HS3ST4: variants seen among roughly 807,000 people sequenced by gnomAD.
HS3ST4 encodes the protein heparan sulfate-glucosamine 3-sulfotransferase 4.
Under a neutral mutation model 29.2 loss-of-function variants are expected in HS3ST4, and 17 were observed. That is an observed-to-expected ratio of 0.58 (90% CI 0.40 to 0.87). The LOEUF (loss-of-function observed/expected upper bound fraction) is 0.87, where lower values mean the gene tolerates loss of function less well. HS3ST4 is among the 40% of genes least tolerant of loss of function. HS3ST4 has a pLI of 0.00. For missense variants in HS3ST4, 627 were observed against 634.5 expected (o/e 0.99, Z 0.13); for synonymous variants, 314 against 285.7 (o/e 1.10, Z -1.00).
At chr16:25,820,199 G>T (rs1335879211) in intron 1 of HS3ST4, among the ~76,000 whole-genome samples, 1 of 151,882 alleles carries the variant, frequency 6.6e-6, no homozygotes, top group East Asian at 1.9e-4. Flanking sequence ...CCCTGAGTTT[G>T]CCTGATGGAC....
rs11342321 is a variant in HS3ST4 at position 25,850,001 on chromosome 16, C to CTTT, written c.734+156863_734+156865dup. Among the ~76,000 whole-genome samples, 405 of 133,884 alleles carry CTTT rather than the reference C, an allele frequency of 3.0e-3. 4 individuals are homozygous for CTTT. The highest frequency in any genetic ancestry group is 0.01 in the African/African-American group (368 of 35,854). 87.8% of individuals were successfully genotyped at this position (133,884 alleles called of 152,430 possible). ...AATGAAAATATAGATGCCTAGATGC[C>CTTT]TTTTTTTTTTTTTTTGAGACGGAGT... On this transcript the variant is annotated intron_variant, in intron 1 of 1. Transcript: ENST00000331351.
At chr16:25,737,909 T>C (rs867988200) in intron 1 of HS3ST4, among the ~76,000 whole-genome samples, 68,628 of 143,974 alleles carry the variant, frequency 0.48, 17,177 homozygotes, top group Non-Finnish European at 0.59. Context: ...TAGCTTCTTT[T>C]TTTTTTTTTT....
At chr16:25,701,502 T>TG (rs1002223924) in intron 1 of HS3ST4, among the ~76,000 whole-genome samples, 6 of 152,160 alleles carry the variant, frequency 3.9e-5, no homozygotes, top group African/African-American at 1.4e-4. Context: ...TTTAGAAAAG[T>TG]GGGGGCCAGT....
chr16:25,853,731 T>G (rs949268282), intron 1 of HS3ST4, among the ~76,000 whole-genome samples: 9 of 152,202 alleles, frequency 5.9e-5, no homozygotes, highest in Admixed American at 1.3e-4. Flanking sequence ...TCATCATGGT[T>G]TATAATTCTT....
intron 1 of HS3ST4, among the ~76,000 whole-genome samples, chr16:25,961,166 T>C (rs988396669): frequency 6.6e-6 from 1 of 152,214 alleles, no homozygotes; most frequent in Non-Finnish European, 1.5e-5. Flanking sequence ...TCAGCTAATC[T>C]ATTACGGTAG....
intron 1 of HS3ST4, among the ~76,000 whole-genome samples, chr16:25,864,249 G>A (rs906122231): frequency 1.3e-5 from 2 of 152,198 alleles, no homozygotes; most frequent in Non-Finnish European, 2.9e-5. Context: ...CGTATGCAAT[G>A]TGAAATTATT....
chr16:25,946,201 G>A (rs1480515615), intron 1 of HS3ST4, among the ~76,000 whole-genome samples: 2 of 152,212 alleles, frequency 1.3e-5, no homozygotes, highest in Non-Finnish European at 2.9e-5. Flanking sequence ...TCTTCCAATT[G>A]CAGGAGGCTT....
At chr16:25,754,310 A>G (rs1966741342) in intron 1 of HS3ST4, among the ~76,000 whole-genome samples, 1 of 152,004 alleles carries the variant, frequency 6.6e-6, no homozygotes, top group Non-Finnish European at 1.5e-5. Flanking sequence ...CTACCCATCC[A>G]CTTATCCATC....
chr16:25,768,901 T>C (rs1449776370), intron 1 of HS3ST4, among the ~76,000 whole-genome samples: 1 of 152,136 alleles, frequency 6.6e-6, no homozygotes, highest in Non-Finnish European at 1.5e-5. Flanking sequence ...TGGCTCTGGT[T>C]GGTAGCAGTC....
At chr16:25,765,237 C>T (rs1966810665) in intron 1 of HS3ST4, among the ~76,000 whole-genome samples, 1 of 152,184 alleles carries the variant, frequency 6.6e-6, no homozygotes, top group African/African-American at 2.4e-5. Flanking sequence ...GAAACGAATT[C>T]TGGCATGAAA....
At chr16:25,896,342 T>C (rs562067428) in intron 1 of HS3ST4, among the ~76,000 whole-genome samples, 2 of 152,280 alleles carry the variant, frequency 1.3e-5, no homozygotes, top group African/African-American at 4.8e-5. Context: ...GGCAAAGGAC[T>C]GAACAGACAC....
At chr16:25,761,938 A>G (rs556589971) in intron 1 of HS3ST4, among the ~76,000 whole-genome samples, 2 of 152,304 alleles carry the variant, frequency 1.3e-5, no homozygotes, top group East Asian at 1.9e-4. Context: ...TCTCAGTGAT[A>G]TGGAATGAAT....
chr16:25,802,034 C>T (rs10220933), intron 1 of HS3ST4, among the ~76,000 whole-genome samples: 64,524 of 147,924 alleles, frequency 0.44, 14,299 homozygotes, highest in South Asian at 0.55. Context: ...ACACTGGGGA[C>T]GAGCAGTTAA....
At chr16:25,788,442 C>T (rs924435273) in intron 1 of HS3ST4, among the ~76,000 whole-genome samples, 1 of 149,540 alleles carries the variant, frequency 6.7e-6, no homozygotes, top group Admixed American at 6.7e-5. Context: ...CATTACAATT[C>T]AGTAAGTCTC....
At chr16:25,918,780 ATGTGACAGAGCCAAGACTCCGTC>A (rs1968318080) in intron 1 of HS3ST4, among the ~76,000 whole-genome samples, 1 of 152,122 alleles carries the variant, frequency 6.6e-6, no homozygotes, top group South Asian at 2.1e-4. Flanking sequence ...ACTCCAGGCT[ATGTGACAGAGCCAAGACTCCGTC>A]TCAAAAAAAC....
chr16:25,830,358 C>T (rs912139402), intron 1 of HS3ST4, among the ~76,000 whole-genome samples: 2 of 152,148 alleles, frequency 1.3e-5, no homozygotes, highest in Non-Finnish European at 2.9e-5. Flanking sequence ...TTTATCACCC[C>T]AATGGAGATT....
chr16:25,926,944 G>A (rs931776906), intron 1 of HS3ST4, among the ~76,000 whole-genome samples: 4 of 152,094 alleles, frequency 2.6e-5, no homozygotes, highest in Non-Finnish European at 4.4e-5. Flanking sequence ...GAAGGGGTGG[G>A]ACTGTTCAGA....
chr16:26,039,207 A>C (rs1471015528), intron 1 of HS3ST4, among the ~76,000 whole-genome samples: 1 of 152,192 alleles, frequency 6.6e-6, no homozygotes, highest in Non-Finnish European at 1.5e-5. Flanking sequence ...TGTATATAAG[A>C]AGTACATGAA....
intron 1 of HS3ST4, among the ~76,000 whole-genome samples, chr16:25,708,069 G>T (rs1334526697): frequency 1.3e-5 from 2 of 152,154 alleles, no homozygotes; most frequent in African/African-American, 4.8e-5. Flanking sequence ...CTGGAGAGAG[G>T]ATCTAGTCAT....
Sources: gnomAD v4.1 joint callset for allele counts (sites outside exome capture counted in the v4.1 genomes callset) on GRCh38, gnomAD v4.1.1 for gene constraint, MANE v1.5 for transcripts, NCBI Gene and HGNC (gene_info 2026-07-23, HGNC 2026-07-21) for gene names.